The following ALDH1L2 variants were observed in gnomAD, a reference collection of about 807,000 sequenced individuals.
The protein encoded by ALDH1L2 is aldehyde dehydrogenase 1 family member L2.
ALDH1L2 carries 91 observed loss-of-function variants against 111.0 expected under a neutral mutation model. The observed-to-expected ratio is 0.82, with a 90% CI of 0.69 to 0.98. ALDH1L2 has a LOEUF of 0.98. ALDH1L2 is among the 50% of genes least tolerant of loss of function. ALDH1L2 has a pLI of 0.00. For synonymous variants in ALDH1L2, 374 were observed against 392.6 expected (o/e 0.95, Z 0.56); for missense variants, 995 against 1,126.8 (o/e 0.88, Z 1.67).
At chr12:105,061,572 G>A (rs191674397) in intron 8 of ALDH1L2, 55 bp downstream of exon 8, 63 of 1,604,728 alleles carry the variant, frequency 3.9e-5, no homozygotes, top group South Asian at 4.4e-5. Flanking sequence ...TACCAGTTAC[G>A]AACATGCTTC....
intron 22 of ALDH1L2, among the ~76,000 whole-genome samples, chr12:105,025,076 T>C (rs920473981): frequency 6.6e-6 from 1 of 152,222 alleles, no homozygotes; most frequent in African/African-American, 2.4e-5. Flanking sequence ...TTTCTTTGAC[T>C]GTTTCTATTT....
At chr12:105,062,764 C>T in intron 7 of ALDH1L2, 124 bp downstream of exon 7, 1 of 1,234,456 alleles carries the variant, frequency 8.1e-7, no homozygotes, top group Non-Finnish European at 1.1e-6. Context: ...ACCTCATCTC[C>T]ATCAGGGCAC....
chr12:105,056,657 A>C (rs1378452885), intron 10 of ALDH1L2, among the ~76,000 whole-genome samples: 1 of 152,008 alleles, frequency 6.6e-6, no homozygotes, highest in Non-Finnish European at 1.5e-5. Context: ...TGCAACAACT[A>C]TGTTACAGCA....
At chr12:105,058,279 T>C (rs994251572) in intron 9 of ALDH1L2, 59 bp from the exon 10 acceptor site, 13 of 1,525,162 alleles carry the variant, frequency 8.5e-6, no homozygotes, top group Admixed American at 2.2e-5. Flanking sequence ...AGGAAGATTG[T>C]GTTATTTGCA....
At chr12:105,032,877 G>GA (rs1489873483) in intron 19 of ALDH1L2, among the ~76,000 whole-genome samples, 1 of 152,024 alleles carries the variant, frequency 6.6e-6, no homozygotes, top group African/African-American at 2.4e-5. Flanking sequence ...GACTGCCTTT[G>GA]TAAAATTCTC....
chr12:105,046,719 C>T lies in ALDH1L2; in HGVS notation c.1854G>A (p.Lys618=), dbSNP rs1319642513. The T allele has an allele frequency of 2.5e-6, 4 of 1,614,066 alleles. No individual in the cohort carries two copies. The highest frequency in any genetic ancestry group is 3.4e-6 in the Non-Finnish European group (4 of 1,179,982). ...CCCTTTGTGGCCTTACCTGTGCTGGCTTGAGCACTAAGGTATTGCCTGCTG... is the reference window on the plus strand; with the variant it reads ...CCCTTTGTGGCCTTACCTGTGCTGGTTTGAGCACTAAGGTATTGCCTGCTG... ...CLAAGNTLVL[K]PAQVTPLTAL... is the part of the protein sequence containing the mutation. Residue 618 remains lysine (K), a synonymous_variant, in exon 15 of 23, where the codon AAG becomes AAA. Transcript: ENST00000258494.
chr12:105,045,346 A>G (rs138206157), intron 15 of ALDH1L2, among the ~76,000 whole-genome samples: 42 of 152,280 alleles, frequency 2.8e-4, no homozygotes, highest in African/African-American at 7.5e-4. Context: ...TGGCCTCCCA[A>G]AGTGCTGGGA....
Position 105,039,764 on chromosome 12 carries a change from CGGATGTCA to C in ALDH1L2, c.1986_1993del (p.Asp663GlnfsTer21). On this transcript the variant is annotated frameshift_variant, in exon 17 of 23. Coordinates refer to ENST00000258494, the MANE Select transcript of ALDH1L2 (RefSeq NM_001034173.4). LOFTEE classifies it high-confidence loss of function. ...AGTGGATCCAGTGAAACCAAGTTTG[CGGATGTCA>C]GGATGTTCAGACAGACGTTGTCCTG... The C allele has an allele frequency of 6.2e-7, 1 of 1,613,896 alleles. No individual in the cohort carries two copies. Among genetic ancestry groups the C allele is most frequent in the Non-Finnish European group, 8.5e-7 (1 of 1,179,898 alleles).
intron 12 of ALDH1L2, 113 bp downstream of exon 12, chr12:105,051,977 G>T: frequency 1.0e-6 from 1 of 980,318 alleles, no homozygotes; most frequent in Non-Finnish European, 1.4e-6. Context: ...GGAGGCTGAG[G>T]CAGGTGAATC....
chr12:105,072,837 G>A (rs2136108514), intron 2 of ALDH1L2, among the ~76,000 whole-genome samples: 1 of 152,320 alleles, frequency 6.6e-6, no homozygotes, highest in South Asian at 2.1e-4. Flanking sequence ...AGCCGGGTAT[G>A]ATGGTGGGTG....
chr12:105,056,434 C>T (rs116955116), intron 10 of ALDH1L2, among the ~76,000 whole-genome samples: 1,939 of 152,046 alleles, frequency 0.013, 17 homozygotes, highest in Middle Eastern at 0.034. Flanking sequence ...AATGAAAGAA[C>T]ACCAGACAAT....
chr12:105,084,388 C>G lies in ALDH1L2; in HGVS notation c.48+1G>C. ...GGGACGCTCGCCCGGGCCGGACTCA[C>G]CCGGCCAGTGGAGAAGCGCCGGAGC... On this transcript the variant is annotated splice_donor_variant, in intron 1 of 22. Coordinates refer to ENST00000258494, the MANE Select transcript of ALDH1L2 (RefSeq NM_001034173.4). LOFTEE classifies it high-confidence loss of function. 6.6e-7 allele frequency: 1 copy of G among 1,504,464 alleles called. No homozygotes were observed. The highest frequency in any genetic ancestry group is 2.8e-5 in the East Asian group (1 of 35,828). The allele number at this position is 1,504,464 out of a possible 1,614,324, so 93.2% of individuals were successfully genotyped here. A position where few individuals can be genotyped will look rare whatever the true frequency, so the allele number is the denominator to read the frequency against.
rs2136093262 is a variant in ALDH1L2 at position 105,063,018 on chromosome 12, A to G, written c.791T>C (p.Val264Ala). ...CAGTAATGTCGAGCCATAGAAAGTG[A>G]CCATCTAGTAAAGAGATCAAACACA... ...GAWTEINGQM[V>A]TFYGSTLLNS... Residue 264 changes from valine (V) to alanine (A), a missense_variant, in exon 7 of 23, where the codon GTC (valine) becomes GCC (alanine). Val to Ala is a moderately conservative substitution (Grantham distance 64). Transcript: ENST00000258494. 1.9e-6 allele frequency: 3 copies of G among 1,612,682 alleles called. No homozygotes were observed. The highest frequency in any genetic ancestry group is 2.5e-6 in the Non-Finnish European group (3 of 1,179,610).
At chr12:105,034,165 G>C in intron 19 of ALDH1L2, 135 bp downstream of exon 19, 1 of 764,528 alleles carries the variant, frequency 1.3e-6, no homozygotes, top group South Asian at 1.8e-5. Context: ...AAAAAAACTA[G>C]GGACTGATTT....
At position 105,035,839 on chromosome 12, in the gene ALDH1L2, A is replaced by ATGTG. The variant is rs1159145670; in HGVS notation, c.2146-1445_2146-1442dup. ...ATATAGTGTGTCTATATATATATAT[A>ATGTG]TGTGTGTGTGTGTGTGTGTGTGTGT... On this transcript the variant is annotated intron_variant, in intron 18 of 22. Transcript: ENST00000258494. 4.2e-3 allele frequency among the ~76,000 whole-genome samples: 420 copies of ATGTG among 100,198 alleles called. 65 individuals are homozygous for ATGTG. Among genetic ancestry groups the ATGTG allele is most frequent in the African/African-American group, 0.018 (297 of 16,398 alleles). 65.7% of individuals were successfully genotyped at this position (100,198 alleles called of 152,430 possible).
At chr12:105,065,181 CATGGGAAGCCCAGATTTAT>C in intron 6 of ALDH1L2, 67 bp downstream of exon 6, 1 of 909,328 alleles carries the variant, frequency 1.1e-6, no homozygotes, top group East Asian at 3.1e-5. Flanking sequence ...AAGGAAGAAC[CATGGGAAGCCCAGATTTAT>C]CTGTAATATC....
chr12:105,038,278 AAACACACACACACAC>A, intron 17 of ALDH1L2, 76 bp from the exon 18 acceptor site: 1 of 253,780 alleles, frequency 3.9e-6, no homozygotes. Flanking sequence ...ACACACACAC[AAACACACACACACAC>A]ACACACACAC....
intron 15 of ALDH1L2, among the ~76,000 whole-genome samples, chr12:105,046,171 CTCTCTCTCTCTCTCTCTCTCTCTA>C (rs1326826739): frequency 1.2e-3 from 43 of 34,982 alleles, no homozygotes; most frequent in Non-Finnish European, 1.6e-3. Flanking sequence ...CTCTCTCTCT[CTCTCTCTCTCTCTCTCTCTCTCTA>C]TATATATATA....
rs777936411 is a variant in ALDH1L2 at position 105,031,874 on chromosome 12, G to A, written c.2305C>T (p.Pro769Ser). 7 of 1,614,056 alleles carry A rather than the reference G, an allele frequency of 4.3e-6. No individual in the cohort carries two copies. In the South Asian group the frequency reaches 7.7e-5, roughly 18 times the overall value. ...TCCAGATGAGCCTTATGATTTTGGG[G>A]CCCATGATCAGTGGATCTGTCAAGT... ...DPLDRSTDHG[P>S]QNHKAHLEKL... is the part of the protein sequence containing the mutation. The change falls in exon 20 of 23, where the codon CCC (proline) becomes TCC (serine). Residue 769 changes from proline (P) to serine (S), a missense_variant. Coordinates refer to ENST00000258494, the MANE Select transcript of ALDH1L2 (RefSeq NM_001034173.4).
Sources: allele counts gnomAD v4.1 joint callset (sites outside exome capture counted in the v4.1 genomes callset), GRCh38; gene constraint gnomAD v4.1.1; transcripts MANE v1.5; gene names NCBI Gene and HGNC (gene_info 2026-07-23, HGNC 2026-07-21).